CDH20: variants seen among roughly 807,000 people sequenced by gnomAD.
CDH20 encodes cadherin 20, also known as cadherin-20.
A neutral mutation model predicts 74.2 loss-of-function variants in CDH20; 29 were observed. That is an observed-to-expected ratio of 0.39 (90% confidence interval 0.29 to 0.53). The LOEUF (loss-of-function observed/expected upper bound fraction) is 0.53, where lower values mean the gene tolerates loss of function less well. CDH20 is among the 20% of genes least tolerant of loss of function. The probability of loss-of-function intolerance (pLI) is 0.69; values close to 1 mark genes in which losing one functional copy is unlikely to be tolerated. For missense variants in CDH20, 988 were observed against 1,048.3 expected (o/e 0.94, Z 0.79); for synonymous variants, 469 against 405.4 (o/e 1.16, Z -1.88).
At chr18:61,501,893 G>C (rs1911396279) in intron 4 of CDH20, among the ~76,000 whole-genome samples, 1 of 152,114 alleles carries the variant, frequency 6.6e-6, no homozygotes, top group Non-Finnish European at 1.5e-5. Context: ...CTCCCGGGGG[G>C]CATCTGTAGT....
chr18:61,398,646 A>G (rs1912063706), intron 1 of CDH20, among the ~76,000 whole-genome samples: 1 of 152,186 alleles, frequency 6.6e-6, no homozygotes, highest in African/African-American at 2.4e-5. Flanking sequence ...TCCCCTATCT[A>G]CAGAGCACAG....
At chr18:61,484,975 A>G (rs1910708770) in intron 1 of CDH20, among the ~76,000 whole-genome samples, 1 of 152,194 alleles carries the variant, frequency 6.6e-6, no homozygotes, top group Admixed American at 6.5e-5. Flanking sequence ...GTGGTGGGAA[A>G]GAGAAGATTT....
intron 1 of CDH20, among the ~76,000 whole-genome samples, chr18:61,350,605 A>C (rs1910271281): frequency 6.6e-6 from 1 of 152,200 alleles, no homozygotes; most frequent in South Asian, 2.1e-4. Context: ...TGCCCGCTAA[A>C]TAGGGTAATA....
At chr18:61,485,816 G>A (rs1373019682) in intron 1 of CDH20, among the ~76,000 whole-genome samples, 3 of 152,170 alleles carry the variant, frequency 2.0e-5, no homozygotes, top group African/African-American at 7.2e-5. Flanking sequence ...GCTCACGCCT[G>A]TAATCCCAGC....
intron 6 of CDH20, among the ~76,000 whole-genome samples, chr18:61,514,395 A>G (rs1042213706): frequency 6.6e-6 from 1 of 152,110 alleles, no homozygotes; most frequent in East Asian, 1.9e-4. Context: ...CTAGTTATAC[A>G]TTCTTCTAAA....
At chr18:61,442,658 T>A (rs1909072617) in intron 1 of CDH20, among the ~76,000 whole-genome samples, 1 of 152,176 alleles carries the variant, frequency 6.6e-6, no homozygotes, top group Admixed American at 6.6e-5. Flanking sequence ...TTCACAGAAG[T>A]CAGATCAAAC....
At chr18:61,351,073 CT>C (rs1480866600) in intron 1 of CDH20, among the ~76,000 whole-genome samples, 1 of 152,174 alleles carries the variant, frequency 6.6e-6, no homozygotes, top group Non-Finnish European at 1.5e-5. Flanking sequence ...TTTGATGGCA[CT>C]GATGGTGGGT....
intron 1 of CDH20, among the ~76,000 whole-genome samples, chr18:61,471,357 A>G (rs1910169498): frequency 6.6e-6 from 1 of 152,248 alleles, no homozygotes; most frequent in Non-Finnish European, 1.5e-5. Flanking sequence ...GACAAGAGAT[A>G]ATGTCAGAGT....
At chr18:61,481,804 C>A (rs1265131634) in intron 1 of CDH20, among the ~76,000 whole-genome samples, 1 of 152,104 alleles carries the variant, frequency 6.6e-6, no homozygotes, top group Non-Finnish European at 1.5e-5. Flanking sequence ...CCATACCCAG[C>A]CTTCCAAAGT....
At chr18:61,340,200 T>C (rs1440330085) in intron 1 of CDH20, among the ~76,000 whole-genome samples, 1 of 138,888 alleles carries the variant, frequency 7.2e-6, no homozygotes, top group Admixed American at 7.4e-5. Context: ...AGGAACTAAA[T>C]TGTCTTTAGC....
chr18:61,437,510 A>C (rs1036172486), intron 1 of CDH20, among the ~76,000 whole-genome samples: 3 of 152,190 alleles, frequency 2.0e-5, no homozygotes, highest in African/African-American at 4.8e-5. Context: ...AAACACTTTC[A>C]TGTTGAAAGG....
intron 1 of CDH20, among the ~76,000 whole-genome samples, chr18:61,410,555 C>T (rs771428496): frequency 3.9e-5 from 6 of 151,928 alleles, no homozygotes; most frequent in African/African-American, 1.4e-4. Context: ...TAGCAGAACA[C>T]GTTATAAGGC....
chr18:61,469,879 T>C (rs1910103763), intron 1 of CDH20, among the ~76,000 whole-genome samples: 1 of 152,188 alleles, frequency 6.6e-6, no homozygotes, highest in Non-Finnish European at 1.5e-5. Flanking sequence ...ACATGAACTA[T>C]ATCAATGATT....
chr18:61,347,485 A>G (rs1208995438), intron 1 of CDH20, among the ~76,000 whole-genome samples: 1 of 150,138 alleles, frequency 6.7e-6, no homozygotes, highest in Non-Finnish European at 1.5e-5. Context: ...GTGCCACTGT[A>G]CTCCAGCCGG....
At chr18:61,375,734 C>A (rs945426082) in intron 1 of CDH20, among the ~76,000 whole-genome samples, 1 of 152,096 alleles carries the variant, frequency 6.6e-6, no homozygotes, top group Non-Finnish European at 1.5e-5. Flanking sequence ...TAATAACAAA[C>A]TTTAATTAAC....
chr18:61,502,656 A>G (rs1023782969), intron 4 of CDH20, among the ~76,000 whole-genome samples: 1 of 152,088 alleles, frequency 6.6e-6, no homozygotes, highest in Non-Finnish European at 1.5e-5. Context: ...TTGGACCACA[A>G]TTTCCCAGAT....
chr18:61,530,095 G>A (rs1218876421), intron 7 of CDH20, among the ~76,000 whole-genome samples: 1 of 152,194 alleles, frequency 6.6e-6, no homozygotes, highest in East Asian at 1.9e-4. Flanking sequence ...AGGGGGCAAC[G>A]TGAAATTCCA....
At chr18:61,514,788 G>A (rs1038591735) in intron 6 of CDH20, among the ~76,000 whole-genome samples, 1 of 151,946 alleles carries the variant, frequency 6.6e-6, no homozygotes, top group Non-Finnish European at 1.5e-5. Flanking sequence ...CTCTGCTGGG[G>A]GGTGCCTCCC....
chr18:61,455,250 C>A (rs1410770276), intron 1 of CDH20, among the ~76,000 whole-genome samples: 1 of 152,106 alleles, frequency 6.6e-6, no homozygotes, highest in Non-Finnish European at 1.5e-5. Context: ...CAACTAAATA[C>A]AATGTAGGAT....
Sources: gnomAD v4.1 joint callset for allele counts (sites outside exome capture counted in the v4.1 genomes callset) on GRCh38, gnomAD v4.1.1 for gene constraint, MANE v1.5 for transcripts, NCBI Gene and HGNC (gene_info 2026-07-23, HGNC 2026-07-21) for gene names.